FIP1L1: variants seen among roughly 807,000 people sequenced by gnomAD.
FIP1L1 encodes factor interacting with PAPOLA and CPSF1, also known as pre-mRNA 3'-end-processing factor FIP1.
Under a neutral mutation model 84.6 loss-of-function variants are expected in FIP1L1, and 21 were observed. The observed-to-expected ratio is 0.25, with a 90% CI of 0.18 to 0.36. The LOEUF (loss-of-function observed/expected upper bound fraction) is 0.36. Ranked by LOEUF, FIP1L1 falls within the 10% of genes least tolerant of loss-of-function variation. FIP1L1 has a pLI of 1.00. For synonymous variants in FIP1L1, 263 were observed against 242.3 expected (o/e 1.09, Z -0.80); for missense variants, 526 against 751.1 (o/e 0.70, Z 3.50).
chr4:53,432,689 A>G (rs1332007106), intron 13 of FIP1L1, among the ~76,000 whole-genome samples: 12 of 152,182 alleles, frequency 7.9e-5, no homozygotes, highest in Non-Finnish European at 1.6e-4. Context: ...ATGATATTCT[A>G]ATTTTGCACT....
Position 53,460,790 on chromosome 4 carries a change from C to T in FIP1L1, c.*1341C>T. ...CTTTCATTAGATGATCATACTTTTC[C>T]TGACATTTTTACAATGTATTCTTTC... On this transcript the variant is annotated 3_prime_UTR_variant, in exon 18 of 18. Coordinates refer to ENST00000337488, the MANE Select transcript of FIP1L1 (RefSeq NM_030917.4). The T allele has an allele frequency of 4.7e-6, 5 of 1,061,062 alleles. No individual in the cohort carries two copies. In the East Asian group the frequency reaches 8.4e-5, roughly 18 times the overall value. 65.7% of individuals were successfully genotyped at this position (1,061,062 alleles called of 1,614,324 possible).
intron 5 of FIP1L1, among the ~76,000 whole-genome samples, chr4:53,386,010 G>A (rs1297132151): frequency 6.8e-6 from 1 of 148,020 alleles, no homozygotes; most frequent in African/African-American, 2.5e-5. Context: ...TTGATTTATT[G>A]TAAATTGTTA....
chr4:53,406,890 T>G (rs1470125465), intron 10 of FIP1L1, among the ~76,000 whole-genome samples: 1 of 152,184 alleles, frequency 6.6e-6, no homozygotes, highest in African/African-American at 2.4e-5. Context: ...TGTATTTGAT[T>G]CTTTTCTCTT....
At chr4:53,390,790 G>A (rs1334982875) in intron 7 of FIP1L1, among the ~76,000 whole-genome samples, 162 bp downstream of exon 7, 1 of 151,912 alleles carries the variant, frequency 6.6e-6, no homozygotes, top group Non-Finnish European at 1.5e-5. Flanking sequence ...TCTTACTGGT[G>A]GCCTTGTATT....
intron 11 of FIP1L1, among the ~76,000 whole-genome samples, chr4:53,414,973 A>ATT (rs543244226): frequency 3.3e-5 from 5 of 150,182 alleles, no homozygotes; most frequent in African/African-American, 4.9e-5. Context: ...ATGCTCAGTA[A>ATT]TTTTTTTTTT....
At chr4:53,400,869 T>C (rs1017925150) in intron 10 of FIP1L1, among the ~76,000 whole-genome samples, 4 of 152,224 alleles carry the variant, frequency 2.6e-5, no homozygotes, top group African/African-American at 4.8e-5. Context: ...TGTAGTAATA[T>C]ATAATATTGT....
At chr4:53,409,498 G>C (rs575567960) in intron 10 of FIP1L1, among the ~76,000 whole-genome samples, 1 of 152,200 alleles carries the variant, frequency 6.6e-6, no homozygotes, top group East Asian at 1.9e-4. Flanking sequence ...CTCCAGCTGC[G>C]TGCTGGGAGA....
rs555395029 is a variant in FIP1L1 at position 53,434,659 on chromosome 4, G to C, written c.1174+6476G>C. Reference sequence around the variant, plus strand: ...GCTAATTTTGTAATTTTAGAGATGGGGTTTCTCCATGTTGGTCAGGCTGGT... The same window carrying C: ...GCTAATTTTGTAATTTTAGAGATGGCGTTTCTCCATGTTGGTCAGGCTGGT... On this transcript the variant is annotated intron_variant, in intron 13 of 17. Transcript: ENST00000337488. Among the ~76,000 whole-genome samples, 53 of 151,926 alleles carry C rather than the reference G, an allele frequency of 3.5e-4. 1 individual carries two copies. The highest frequency in any genetic ancestry group is 6.3e-4 in the Non-Finnish European group (43 of 67,986).
Position 53,459,520 on chromosome 4 carries a change from A to AATG in FIP1L1, c.*72_*74dup, listed in dbSNP as rs1276716600. The AATG allele has an allele frequency of 1.9e-6, 3 of 1,593,638 alleles. No individual in the cohort carries two copies. Among genetic ancestry groups the AATG allele is most frequent in the South Asian group, 2.3e-5 (2 of 88,308 alleles). On this transcript the variant is annotated 3_prime_UTR_variant, in exon 18 of 18. Coordinates refer to ENST00000337488, the MANE Select transcript of FIP1L1 (RefSeq NM_030917.4). ...TATAAATCTTGTTATTTTTCTGGATAATGTTTAAGAAATTTACCTTAAATC... is the reference window on the plus strand; with the variant it reads ...TATAAATCTTGTTATTTTTCTGGATAATGATGTTTAAGAAATTTACCTTAAATC...
At chr4:53,398,169 T>C (rs987582574) in intron 9 of FIP1L1, among the ~76,000 whole-genome samples, 4 of 152,200 alleles carry the variant, frequency 2.6e-5, no homozygotes, top group Non-Finnish European at 2.9e-5. Flanking sequence ...ATAATAGATA[T>C]TCAATAAATG....
In FIP1L1 at chr4:53,459,542, A is replaced by AATC; in HGVS notation, c.*94_*96dup. 6.4e-7 allele frequency: 1 copy of AATC among 1,550,440 alleles called. No homozygotes were observed. Among genetic ancestry groups the AATC allele is most frequent in the Non-Finnish European group, 8.8e-7 (1 of 1,130,244 alleles). ...GATAATGTTTAAGAAATTTACCTTAAATCTTGTTCTGTTTGTTAGTATGAA... is the reference window on the plus strand; with the variant it reads ...GATAATGTTTAAGAAATTTACCTTAAATCATCTTGTTCTGTTTGTTAGTATGAA... On this transcript the variant is annotated 3_prime_UTR_variant, in exon 18 of 18. Transcript: ENST00000337488.
chr4:53,453,184 A>G (rs573074516), intron 16 of FIP1L1, 51 bp downstream of exon 16: 1 of 1,597,432 alleles, frequency 6.3e-7, no homozygotes, highest in Non-Finnish European at 8.6e-7. Flanking sequence ...AGCACTTACA[A>G]ATTTATTTTC....
In FIP1L1 at chr4:53,460,714, A is replaced by AAAC. The variant is rs1399824069; in HGVS notation, c.*1266_*1268dup. 1.8e-6 allele frequency: 1 copy of AAAC among 546,940 alleles called. No individual in the cohort carries two copies. 33.9% of individuals were successfully genotyped at this position (546,940 alleles called of 1,614,324 possible). On this transcript the variant is annotated 3_prime_UTR_variant, in exon 18 of 18. Coordinates refer to ENST00000337488, the MANE Select transcript of FIP1L1 (RefSeq NM_030917.4). ...ATGAGAAATCCTCCACACTGAAAAA[A>AAAC]AACTAGTAGTTTTAATTTTTTTGGA...
At chr4:53,429,704 GTA>G (rs1255600009) in intron 13 of FIP1L1, among the ~76,000 whole-genome samples, 4 of 151,822 alleles carry the variant, frequency 2.6e-5, no homozygotes, top group Non-Finnish European at 5.9e-5. Flanking sequence ...AGTAATACTT[GTA>G]TATGTTTATG....
chr4:53,379,324 A>G, intron 3 of FIP1L1, 60 bp downstream of exon 3: 1 of 1,384,088 alleles, frequency 7.2e-7, no homozygotes, highest in South Asian at 1.4e-5. Flanking sequence ...TGGTTCTGTC[A>G]GTTGTCAAAA....
intron 11 of FIP1L1, among the ~76,000 whole-genome samples, chr4:53,417,092 GT>G (rs757113955): frequency 6.6e-6 from 1 of 151,994 alleles, no homozygotes; most frequent in Non-Finnish European, 1.5e-5. Flanking sequence ...ATTTAAAATT[GT>G]TTTACTTTAG....
At chr4:53,445,808 G>A (rs190154927) in intron 15 of FIP1L1, among the ~76,000 whole-genome samples, 2 of 152,106 alleles carry the variant, frequency 1.3e-5, no homozygotes, top group Non-Finnish European at 1.5e-5. Flanking sequence ...GCAAATTAGG[G>A]AGGGCGGGAA....
At chr4:53,424,593 AACTG>A (rs1427802714) in intron 11 of FIP1L1, among the ~76,000 whole-genome samples, 3 of 152,118 alleles carry the variant, frequency 2.0e-5, no homozygotes, top group East Asian at 1.9e-4. Context: ...GGTAAGTGGG[AACTG>A]ACTATGTACT....
At chr4:53,428,267 CTT>C in intron 13 of FIP1L1, 84 bp downstream of exon 13, 4 of 1,308,424 alleles carry the variant, frequency 3.1e-6, no homozygotes, top group Non-Finnish European at 4.1e-6. Context: ...AAAATAATAT[CTT>C]GATCACATTT....
Sources: gnomAD v4.1 joint callset for allele counts (sites outside exome capture counted in the v4.1 genomes callset) on GRCh38, gnomAD v4.1.1 for gene constraint, MANE v1.5 for transcripts, NCBI Gene and HGNC (gene_info 2026-07-23, HGNC 2026-07-21) for gene names.